The following GRM5 variants were observed in gnomAD, a reference collection of about 807,000 sequenced individuals.
GRM5 encodes glutamate metabotropic receptor 5.
A neutral mutation model predicts 83.1 loss-of-function variants in GRM5; 19 were observed. That is an observed-to-expected ratio of 0.23 (90% CI 0.16 to 0.34). The LOEUF (loss-of-function observed/expected upper bound fraction) is 0.34. Ranked by LOEUF, GRM5 falls within the 10% of genes least tolerant of loss-of-function variation. GRM5 has a pLI of 1.00. For missense variants in GRM5, 1,160 were observed against 1,588.3 expected, an observed-to-expected ratio of 0.73 and a Z score of 4.58; for synonymous variants, 675 against 633.6, an observed-to-expected ratio of 1.07 and a Z score of -0.98.
rs898355874 is a variant in GRM5, at chr11:88,860,941, A to G, written c.662-10786T>C. ...TGCCACATTGAGATGTTCAGTGTAA[A>G]CCACAAAATACATTTCAAAGACTTA... On this transcript the variant is annotated intron_variant, in intron 2 of 9. Coordinates refer to ENST00000305447, the MANE Select transcript of GRM5 (RefSeq NM_001143831.3). 6.2e-4 allele frequency among the ~76,000 whole-genome samples: 94 copies of G among 152,174 alleles called. 1 individual carries two copies. Among genetic ancestry groups the G allele is most frequent in the African/African-American group, 2.2e-3 (90 of 41,460 alleles).
intron 4 of GRM5, among the ~76,000 whole-genome samples, chr11:88,619,899 C>G (rs1354312861): frequency 6.6e-6 from 1 of 151,924 alleles, no homozygotes; most frequent in Admixed American, 6.6e-5. Flanking sequence ...GGATAACATA[C>G]TATAACATTG....
At chr11:88,953,926 T>C (rs369177442) in intron 2 of GRM5, among the ~76,000 whole-genome samples, 103 of 152,328 alleles carry the variant, frequency 6.8e-4, no homozygotes, top group African/African-American at 2.1e-3. Context: ...CTTCTGACCA[T>C]TGCATGGAGA....
chr11:88,985,003 T>A (rs927048317), intron 2 of GRM5: 2 of 503,098 alleles, frequency 4.0e-6, no homozygotes, highest in Admixed American at 3.8e-5. Context: ...TCAATTTTAC[T>A]CCATTCCACT....
intron 4 of GRM5, among the ~76,000 whole-genome samples, chr11:88,617,910 G>A (rs994410290): frequency 1.3e-5 from 2 of 152,204 alleles, no homozygotes; most frequent in African/African-American, 4.8e-5. Flanking sequence ...CAGGGAGACA[G>A]TAGGGCAGTG....
At chr11:88,723,563 TTGTTACTA>T (rs1435405737) in intron 3 of GRM5, among the ~76,000 whole-genome samples, 1 of 152,108 alleles carries the variant, frequency 6.6e-6, no homozygotes, top group Admixed American at 6.6e-5. Context: ...AAACAAATGG[TTGTTACTA>T]TGGAAGAGGT....
At chr11:88,511,538 T>C (rs1052426242) in intron 9 of GRM5, among the ~76,000 whole-genome samples, 3 of 152,216 alleles carry the variant, frequency 2.0e-5, no homozygotes, top group Admixed American at 1.3e-4. Flanking sequence ...TAGTCTCATG[T>C]CCTTCAGAAT....
chr11:88,946,165 A>G (rs1395278684), intron 2 of GRM5, among the ~76,000 whole-genome samples: 2 of 152,106 alleles, frequency 1.3e-5, no homozygotes, highest in Non-Finnish European at 1.5e-5. Context: ...GAGAAATGCA[A>G]CTCAAAATCA....
At chr11:88,546,976 C>G (rs1020972080) in intron 8 of GRM5, among the ~76,000 whole-genome samples, 5 of 151,994 alleles carry the variant, frequency 3.3e-5, no homozygotes, top group Non-Finnish European at 5.9e-5. Flanking sequence ...GTATTGGTTT[C>G]TCATTCTTCT....
At chr11:88,801,757 A>G (rs1943399883) in intron 3 of GRM5, among the ~76,000 whole-genome samples, 1 of 152,114 alleles carries the variant, frequency 6.6e-6, no homozygotes, top group Admixed American at 6.6e-5. Flanking sequence ...TGAAAGGCAC[A>G]TTTGCTTCAA....
At chr11:88,775,689 C>T (rs1226688872) in intron 3 of GRM5, among the ~76,000 whole-genome samples, 4 of 152,126 alleles carry the variant, frequency 2.6e-5, no homozygotes, top group African/African-American at 7.2e-5. Flanking sequence ...GCCTTCATTT[C>T]GTTATTTACC....
chr11:88,866,360 A>T (rs1314229569), intron 2 of GRM5, among the ~76,000 whole-genome samples: 2 of 152,032 alleles, frequency 1.3e-5, no homozygotes, highest in Non-Finnish European at 2.9e-5. Flanking sequence ...CAATGAGAAC[A>T]CATAGACACA....
intron 7 of GRM5, among the ~76,000 whole-genome samples, chr11:88,581,879 C>CT (rs973719408): frequency 2.0e-5 from 3 of 152,134 alleles, no homozygotes; most frequent in African/African-American, 7.2e-5. Flanking sequence ...TCCTTATGGT[C>CT]TTTTTTTCTG....
chr11:89,002,334 G>A (rs1410257979), intron 2 of GRM5, among the ~76,000 whole-genome samples: 3 of 152,000 alleles, frequency 2.0e-5, no homozygotes, highest in African/African-American at 7.2e-5. Context: ...TTAGCAAACC[G>A]GATATGCACT....
chr11:88,918,572 A>G (rs1220914414), intron 2 of GRM5, among the ~76,000 whole-genome samples: 1 of 152,126 alleles, frequency 6.6e-6, no homozygotes, highest in Non-Finnish European at 1.5e-5. Context: ...CTGACTGGAA[A>G]TAAGTACACA....
intron 1 of GRM5, among the ~76,000 whole-genome samples, chr11:89,054,845 A>G (rs1342926410): frequency 6.6e-6 from 1 of 152,264 alleles, no homozygotes; most frequent in Non-Finnish European, 1.5e-5. Context: ...CTGGAAACAT[A>G]TACATTGACA....
At chr11:88,637,231 G>C (rs575543023) in intron 4 of GRM5, among the ~76,000 whole-genome samples, 105 of 152,214 alleles carry the variant, frequency 6.9e-4, no homozygotes, top group Non-Finnish European at 1.2e-3. Context: ...TACCATTCAG[G>C]ACAAAGGCAT....
intron 3 of GRM5, among the ~76,000 whole-genome samples, chr11:88,675,427 A>G (rs1940303433): frequency 6.6e-6 from 1 of 151,942 alleles, no homozygotes; most frequent in Non-Finnish European, 1.5e-5. Flanking sequence ...ATGAGTAAGG[A>G]TCTTTGGAGG....
At chr11:88,801,564 G>A (rs891417421) in intron 3 of GRM5, among the ~76,000 whole-genome samples, 1 of 152,032 alleles carries the variant, frequency 6.6e-6, no homozygotes, top group African/African-American at 2.4e-5. Flanking sequence ...CCATGCAAGG[G>A]TTATTAGCAT....
At chr11:88,890,075 C>T (rs796194497) in intron 2 of GRM5, among the ~76,000 whole-genome samples, 7 of 151,650 alleles carry the variant, frequency 4.6e-5, no homozygotes, top group African/African-American at 1.7e-4. Context: ...AGTTATAAAT[C>T]AGAGAAGCAT....
Sources: allele counts gnomAD v4.1 joint callset (sites outside exome capture counted in the v4.1 genomes callset), GRCh38; gene constraint gnomAD v4.1.1; transcripts MANE v1.5; gene names NCBI Gene and HGNC (gene_info 2026-07-23, HGNC 2026-07-21).